Variants in TBK1 observed in about 807,000 individuals in gnomAD.
TBK1 encodes the protein TANK binding kinase 1.
Under a neutral mutation model 99.9 loss-of-function variants are expected in TBK1, and 37 were observed. The observed-to-expected ratio is 0.37, with a 90% CI of 0.28 to 0.49. TBK1 has a LOEUF of 0.49. TBK1 is among the 20% of genes least tolerant of loss of function. The pLI is 0.98. For missense variants in TBK1, 644 were observed against 872.5 expected (o/e 0.74, Z 3.30); for synonymous variants, 258 against 279.8 (o/e 0.92, Z 0.78).
intron 20 of TBK1, 46 bp downstream of exon 20, chr12:64,498,085 T>C: frequency 6.8e-7 from 1 of 1,475,732 alleles, no homozygotes; most frequent in Non-Finnish European, 9.4e-7. Flanking sequence ...TGCAATTGAG[T>C]TCATTCACAT....
intron 5 of TBK1, among the ~76,000 whole-genome samples, chr12:64,473,176 C>T (rs992697006): frequency 1.3e-5 from 2 of 152,088 alleles, no homozygotes; most frequent in African/African-American, 2.4e-5. Flanking sequence ...ATTTTGGATA[C>T]GTTAAGTTTG....
intron 13 of TBK1, 43 bp downstream of exon 13, chr12:64,490,162 A>G (rs369025837): frequency 5.5e-5 from 76 of 1,393,772 alleles, no homozygotes; most frequent in African/African-American, 1.4e-4. Flanking sequence ...CTCATAACCT[A>G]TTCCTTTGCT....
At chr12:64,498,576 A>T (rs2040953599) in intron 20 of TBK1, among the ~76,000 whole-genome samples, 1 of 152,258 alleles carries the variant, frequency 6.6e-6, no homozygotes, top group Admixed American at 6.5e-5. Context: ...ATTAAGTCAT[A>T]TTTGGCTCTG....
intron 5 of TBK1, 150 bp from the exon 6 acceptor site, chr12:64,474,080 G>A: frequency 1.4e-6 from 1 of 690,126 alleles, no homozygotes; most frequent in East Asian, 2.8e-5. Context: ...TGAGGAGGGA[G>A]GGGAAGATGT....
intron 13 of TBK1, among the ~76,000 whole-genome samples, chr12:64,491,117 T>C (rs2136083471): frequency 6.6e-6 from 1 of 152,180 alleles, no homozygotes; most frequent in South Asian, 2.1e-4. Context: ...TAACATGTAT[T>C]ATAGAAGTGC....
rs550318290 is a variant in TBK1 at position 64,465,103 on chromosome 12, C to T, written c.358+640C>T. Among the ~76,000 whole-genome samples the T allele has an allele frequency of 2.3e-3, 248 of 108,154 alleles. 2 individuals carry two copies. Among genetic ancestry groups the T allele is most frequent in the African/African-American group, 8.1e-3 (241 of 29,802 alleles). 71.0% of individuals were successfully genotyped at this position (108,154 alleles called of 152,430 possible). A position where few individuals can be genotyped will look rare whatever the true frequency, so the allele number is the denominator to read the frequency against. On this transcript the variant is annotated intron_variant, in intron 4 of 20. Transcript: ENST00000331710. ...TACAAAAAATAAAATAAAAAATAGC[C>T]AAGCATGGTGGCATGCACTTGTAGA...
At chr12:64,453,390 A>T (rs1414110122) in intron 1 of TBK1, among the ~76,000 whole-genome samples, 1 of 152,178 alleles carries the variant, frequency 6.6e-6, no homozygotes, top group Non-Finnish European at 1.5e-5. Context: ...TAGATAGTTG[A>T]GACGTTTGTT....
intron 11 of TBK1, 75 bp from the exon 12 acceptor site, chr12:64,488,412 A>C: frequency 6.6e-5 from 47 of 708,436 alleles, no homozygotes; most frequent in Non-Finnish European, 9.5e-5. Context: ...GAACTGTAGT[A>C]CTGCAGTATA....
intron 8 of TBK1, 30 bp downstream of exon 8, chr12:64,482,051 A>G (rs1448201026): frequency 7.2e-7 from 1 of 1,396,978 alleles, no homozygotes; most frequent in African/African-American, 1.5e-5. Flanking sequence ...TCTTGTATCA[A>G]CATGTTCTGT....
At chr12:64,482,928 T>G (rs1487733248) in intron 8 of TBK1, among the ~76,000 whole-genome samples, 2 of 152,192 alleles carry the variant, frequency 1.3e-5, no homozygotes, top group Non-Finnish European at 2.9e-5. Context: ...GAAATTTGAG[T>G]AAGTTGGGTG....
chr12:64,460,250 A>G lies in TBK1; in HGVS notation c.149A>G (p.Asp50Gly). 6.3e-7 allele frequency: 1 copy of G among 1,586,364 alleles called. No homozygotes were observed. Among genetic ancestry groups the G allele is most frequent in the Non-Finnish European group, 8.6e-7 (1 of 1,164,516 alleles). ...FNNISFLRPV[D>G]VQMREFEVLK... The stretch of plus-strand genomic sequence containing the variant: ...AACATAAGCTTCCTTCGTCCAGTGG[A>G]TGTTCAAATGAGAGAATTTGAAGTG... The change falls in exon 3 of 21, where the codon GAT becomes GGT. Residue 50 changes from aspartate to glycine, a missense_variant. Around this residue, in one of 3 missense-constraint regions of TBK1, gnomAD observed 148 missense variants for 202.1 expected, o/e 0.73. Transcript: ENST00000331710.
chr12:64,498,512 G>A (rs755651979), intron 20 of TBK1, among the ~76,000 whole-genome samples: 3 of 152,208 alleles, frequency 2.0e-5, no homozygotes, highest in Non-Finnish European at 4.4e-5. Flanking sequence ...AGCCTGCAGA[G>A]GCAATAAAGC....
At chr12:64,488,434 A>T (rs1565821727) in intron 11 of TBK1, 53 bp from the exon 12 acceptor site, 1 of 1,075,402 alleles carries the variant, frequency 9.3e-7, no homozygotes, top group Non-Finnish European at 1.3e-6. Context: ...TTAGTGATAG[A>T]TAGAAAAAAT....
intron 3 of TBK1, among the ~76,000 whole-genome samples, chr12:64,460,971 C>G (rs986073315): frequency 1.3e-5 from 2 of 151,336 alleles, no homozygotes; most frequent in African/African-American, 4.9e-5. Context: ...GTTCCAGCTA[C>G]TCAGGAGGCT....
chr12:64,465,298 C>T (rs1592357138), intron 4 of TBK1, among the ~76,000 whole-genome samples: 1 of 147,688 alleles, frequency 6.8e-6, no homozygotes, highest in African/African-American at 2.5e-5. Context: ...AATTGGAACC[C>T]TGATACATTG....
At chr12:64,462,192 T>C (rs1482004335) in intron 3 of TBK1, among the ~76,000 whole-genome samples, 1 of 152,218 alleles carries the variant, frequency 6.6e-6, no homozygotes, top group Non-Finnish European at 1.5e-5. Flanking sequence ...AAGACAGAAG[T>C]CTTGTTCTTT....
At position 64,484,472 on chromosome 12, in the gene TBK1, A is replaced by G. The variant is rs17857028; in HGVS notation, c.1162A>G (p.Asn388Asp). The change falls in exon 9 of 21, where the codon AAT (asparagine) becomes GAT (aspartate). Residue 388 changes from asparagine (N) to aspartate (D), a missense_variant. By Grantham distance (23) the Asn-to-Asp change is conservative. Around this residue, in one of 3 missense-constraint regions of TBK1, gnomAD observed 465 missense variants for 588.0 expected, o/e 0.79. Transcript: ENST00000331710. ...PIFVVSREPLNTIGLIYEKIS... is the reference protein window; with the variant it reads ...PIFVVSREPLDTIGLIYEKIS... Reference sequence around the variant, plus strand: ...ATTTGTAGTAAGCCGGGAACCTCTGAATACCATAGGATTAATATATGAAAA... The same window carrying G: ...ATTTGTAGTAAGCCGGGAACCTCTGGATACCATAGGATTAATATATGAAAA... 1.2e-6 allele frequency: 2 copies of G among 1,612,238 alleles called. No individual in the cohort carries two copies. The highest frequency in any genetic ancestry group is 2.2e-5 in the South Asian group (2 of 90,670).
chr12:64,485,753 A>G (rs2040814489), intron 10 of TBK1, 173 bp from the exon 11 acceptor site: 1 of 446,380 alleles, frequency 2.2e-6, no homozygotes, highest in African/African-American at 2.0e-5. Flanking sequence ...GATAATGTTA[A>G]GGATAACATA....
chr12:64,483,362 T>A (rs1305965226), intron 8 of TBK1, among the ~76,000 whole-genome samples: 2 of 152,218 alleles, frequency 1.3e-5, no homozygotes, highest in Admixed American at 6.5e-5. Flanking sequence ...ACAATATTGC[T>A]GCTGAAACAT....
Sources: gnomAD v4.1 joint callset for allele counts (sites outside exome capture counted in the v4.1 genomes callset) on GRCh38, gnomAD v4.1.1 for gene constraint, gnomAD v4.1.1 regional missense constraint, MANE v1.5 for transcripts, NCBI Gene and HGNC (gene_info 2026-07-23, HGNC 2026-07-21) for gene names.